Variants in TLK1 observed in about 807,000 individuals in gnomAD.
TLK1 encodes serine/threonine-protein kinase tousled-like 1.
In TLK1, 24 loss-of-function variants were observed where a neutral mutation model predicts 105.3. The observed-to-expected ratio is 0.23, with a 90% CI of 0.17 to 0.32. The LOEUF is 0.32. TLK1 is among the 10% of genes least tolerant of loss of function. The pLI is 1.00. For synonymous variants in TLK1, 321 were observed against 310.4 expected, an observed-to-expected ratio of 1.03 and a Z score of -0.36; for missense variants, 558 against 910.5, an observed-to-expected ratio of 0.61 and a Z score of 4.98.
intron 4 of TLK1, among the ~76,000 whole-genome samples, chr2:171,059,598 C>A (rs1302990708): frequency 6.6e-6 from 1 of 151,984 alleles, no homozygotes; most frequent in Non-Finnish European, 1.5e-5. Context: ...GGCAATAGTA[C>A]CTCTGTTGGT....
At chr2:171,174,654 C>G (rs1191947893) in intron 1 of TLK1, among the ~76,000 whole-genome samples, 2 of 152,098 alleles carry the variant, frequency 1.3e-5, no homozygotes, top group Non-Finnish European at 2.9e-5. Context: ...AGGGCAAATA[C>G]TTTTGTCATA....
At chr2:171,201,640 A>AG (rs1486882746) in intron 1 of TLK1, among the ~76,000 whole-genome samples, 1 of 152,216 alleles carries the variant, frequency 6.6e-6, no homozygotes, top group Non-Finnish European at 1.5e-5. Flanking sequence ...GCTGCTTCTA[A>AG]GGAACTGTTC....
At chr2:171,132,459 C>A (rs868673302) in intron 1 of TLK1, among the ~76,000 whole-genome samples, 10 of 152,244 alleles carry the variant, frequency 6.6e-5, no homozygotes, top group Admixed American at 6.5e-4. Flanking sequence ...CCCCCCAACA[C>A]GAGTTTCAGA....
chr2:171,076,838 C>T (rs1302964145), intron 3 of TLK1, among the ~76,000 whole-genome samples: 3 of 151,644 alleles, frequency 2.0e-5, no homozygotes, highest in African/African-American at 7.3e-5. Flanking sequence ...GGCGTGAACC[C>T]GGGAGGCAGA....
intron 1 of TLK1, among the ~76,000 whole-genome samples, chr2:171,171,375 T>C (rs1282309722): frequency 6.7e-6 from 1 of 149,320 alleles, no homozygotes; most frequent in Non-Finnish European, 1.5e-5. Context: ...GAAAAGACAG[T>C]GAAAGGATGC....
intron 2 of TLK1, among the ~76,000 whole-genome samples, chr2:171,098,754 T>C (rs1198336704): frequency 1.3e-5 from 2 of 152,128 alleles, no homozygotes; most frequent in South Asian, 2.1e-4. Flanking sequence ...CAGCAACATA[T>C]AAAAAGGATT....
At chr2:171,176,620 G>T (rs12477548) in intron 1 of TLK1, among the ~76,000 whole-genome samples, 7,370 of 152,106 alleles carry the variant, frequency 0.048, 473 homozygotes, top group East Asian at 0.3. Flanking sequence ...TATTACCATT[G>T]CTCCTTTTCT....
chr2:171,009,865 C>T (rs1684823280), intron 14 of TLK1, among the ~76,000 whole-genome samples: 2 of 152,096 alleles, frequency 1.3e-5, no homozygotes, highest in Admixed American at 6.6e-5. Context: ...TAATGAAGCA[C>T]AAAGGAGCTT....
At chr2:171,169,533 C>T (rs1156417581) in intron 1 of TLK1, among the ~76,000 whole-genome samples, 1 of 152,076 alleles carries the variant, frequency 6.6e-6, no homozygotes, top group East Asian at 1.9e-4. Context: ...AAGGATTTTT[C>T]CACATAATTG....
At chr2:171,076,716 G>A (rs1255718559) in intron 3 of TLK1, among the ~76,000 whole-genome samples, 5 of 146,670 alleles carry the variant, frequency 3.4e-5, no homozygotes, top group South Asian at 2.2e-4. Context: ...TGACTAACAC[G>A]GTGAAACTCC....
At chr2:171,186,433 G>C (rs1019986812) in intron 1 of TLK1, among the ~76,000 whole-genome samples, 1 of 152,174 alleles carries the variant, frequency 6.6e-6, no homozygotes, top group African/African-American at 2.4e-5. Flanking sequence ...CACAATGATG[G>C]GAGTAAAAGC....
intron 1 of TLK1, among the ~76,000 whole-genome samples, chr2:171,192,131 T>G (rs1693166698): frequency 6.6e-6 from 1 of 152,100 alleles, no homozygotes. Context: ...CGGGCCCAGG[T>G]GATCCTCCTA....
chr2:171,108,043 T>G (rs1300114832), intron 2 of TLK1, among the ~76,000 whole-genome samples: 2 of 143,502 alleles, frequency 1.4e-5, no homozygotes, highest in African/African-American at 2.7e-5. Flanking sequence ...GGTGACAGAG[T>G]GAGACCCCTC....
chr2:171,186,884 C>G (rs562033599), intron 1 of TLK1, among the ~76,000 whole-genome samples: 2 of 151,272 alleles, frequency 1.3e-5, no homozygotes, highest in Non-Finnish European at 2.9e-5. Context: ...ATGGTGAAAC[C>G]CCATCTCTAC....
intron 1 of TLK1, among the ~76,000 whole-genome samples, chr2:171,147,842 A>C (rs559139135): frequency 6.6e-6 from 1 of 152,154 alleles, no homozygotes; most frequent in Non-Finnish European, 1.5e-5. Flanking sequence ...TTAAGCATCA[A>C]GCACTAGATT....
chr2:171,049,806 T>C lies in TLK1; in HGVS notation c.980+8A>G, dbSNP rs1460066067. On this transcript the variant is annotated splice_region_variant and intron_variant, in intron 10 of 20. Coordinates refer to ENST00000431350, the MANE Select transcript of TLK1 (RefSeq NM_012290.5). ...ACTAAAAACTTTTAAATGTTAAGAA[T>C]GACTAACTTCACAAGATTCTGAAAT... is the stretch of plus-strand genomic sequence containing the variant. The C allele has an allele frequency of 6.2e-7, 1 of 1,613,320 alleles. No homozygotes were observed. Among genetic ancestry groups the C allele is most frequent in the South Asian group, 1.1e-5 (1 of 90,882 alleles).
chr2:171,155,663 C>T (rs1200451294), intron 1 of TLK1: 3 of 152,090 alleles, frequency 2.0e-5, no homozygotes, highest in East Asian at 1.9e-4. Context: ...AATTTATCTC[C>T]ACCTCCCCAA....
chr2:171,130,355 T>C (rs541239656), intron 1 of TLK1, among the ~76,000 whole-genome samples: 2 of 151,682 alleles, frequency 1.3e-5, no homozygotes, highest in South Asian at 4.2e-4. Flanking sequence ...TAAGCCAAGA[T>C]CGCACCACTG....
chr2:171,198,817 G>A lies in TLK1; in HGVS notation c.-6+32328C>T, dbSNP rs114704875. ...TTGCTTGTTTTAGTTCTTTACTGAT[G>A]ATTATTTAAGACCTTTCCTATCTAT... On this transcript the variant is annotated intron_variant, in intron 1 of 20. Coordinates refer to the TLK1 transcript ENST00000521943. Among the ~76,000 whole-genome samples, 330 of 152,314 alleles carry A rather than the reference G, an allele frequency of 2.2e-3. 2 individuals are homozygous for A. Among genetic ancestry groups the A allele is most frequent in the African/African-American group, 7.1e-3 (297 of 41,572 alleles).
Sources: gnomAD v4.1 joint callset for allele counts (sites outside exome capture counted in the v4.1 genomes callset) on GRCh38, gnomAD v4.1.1 for gene constraint, MANE v1.5 for transcripts, NCBI Gene and HGNC (gene_info 2026-07-23, HGNC 2026-07-21) for gene names.